Variants in TIMM50 observed in about 807,000 individuals in gnomAD.
The protein encoded by TIMM50 is mitochondrial import inner membrane translocase subunit TIM50.
Under a neutral mutation model 49.6 loss-of-function variants are expected in TIMM50, and 34 were observed. The observed-to-expected ratio is 0.69, with a 90% CI of 0.52 to 0.91. The LOEUF (loss-of-function observed/expected upper bound fraction) is 0.91. TIMM50 is among the 40% of genes least tolerant of loss of function. The pLI, the probability that TIMM50 is intolerant of heterozygous loss-of-function variation, is 0.00. For synonymous variants in TIMM50, 199 were observed against 198.4 expected (o/e 1.00, Z -0.03); for missense variants, 458 against 477.8 (o/e 0.96, Z 0.39).
At chr19:39,483,066 C>G in intron 3 of TIMM50, 69 bp from the exon 4 acceptor site, 2 of 1,611,394 alleles carry the variant, frequency 1.2e-6, no homozygotes, top group Non-Finnish European at 1.7e-6. Flanking sequence ...CCTGGAGATT[C>G]CTTTTCTGTA....
chr19:39,485,314 G>A, intron 4 of TIMM50: 1 of 586,398 alleles, frequency 1.7e-6, no homozygotes, highest in South Asian at 2.0e-5. Flanking sequence ...TTTCATACCT[G>A]GGGTAGTATG....
chr19:39,488,500 T>C (rs781222268), intron 9 of TIMM50, 39 bp from the exon 10 acceptor site: 2 of 1,592,642 alleles, frequency 1.3e-6, no homozygotes, highest in South Asian at 2.2e-5. Context: ...CCCTCTGGCC[T>C]TTAGAAGCCT....
chr19:39,483,183 G>A, intron 4 of TIMM50, 27 bp downstream of exon 4: 1 of 1,614,016 alleles, frequency 6.2e-7, no homozygotes. Flanking sequence ...AGATTCTGGA[G>A]TCCCTGACCC....
rs2079551602 is a variant in TIMM50, at chr19:39,492,379, A to G, written c.*2559A>G. 1.3e-5 allele frequency: 2 copies of G among 151,788 alleles called. No homozygotes were observed. Among genetic ancestry groups the G allele is most frequent in the Non-Finnish European group, 1.5e-5 (1 of 67,988 alleles). 9.4% of individuals were successfully genotyped at this position (151,788 alleles called of 1,614,324 possible). A position where few individuals can be genotyped will look rare whatever the true frequency, so the allele number is the denominator to read the frequency against. ...TTTGGGGACCAAATGAAGCACTCCC[A>G]TGTAGGCACTCAAATGGAACTATGT... On this transcript the variant is annotated 3_prime_UTR_variant, in exon 11 of 11. Coordinates refer to ENST00000607714, the MANE Select transcript of TIMM50 (RefSeq NM_001001563.5).
At chr19:39,489,364 G>A (rs1409987021) in intron 10 of TIMM50, among the ~76,000 whole-genome samples, 4 of 152,090 alleles carry the variant, frequency 2.6e-5, no homozygotes, top group Non-Finnish European at 4.4e-5. Context: ...CTCAGGGGAG[G>A]GGTCCCTGGG....
At position 39,486,507 on chromosome 19, in the gene TIMM50, T is replaced by A; in HGVS notation, c.696+12T>A. ...GACACCATGTAAAGGTGCCGTGGGT[T>A]CATGGGTGGGCCTCTGGGATTTGGC... On this transcript the variant is annotated intron_variant, in intron 8 of 10. Transcript: ENST00000607714. 3.1e-6 allele frequency: 5 copies of A among 1,613,322 alleles called. No individual in the cohort carries two copies. Among genetic ancestry groups the A allele is most frequent in the Middle Eastern group, 1.7e-4 (1 of 6,058 alleles).
intron 7 of TIMM50, 28 bp downstream of exon 7, chr19:39,486,319 A>G (rs1260813219): frequency 3.1e-6 from 5 of 1,613,576 alleles, no homozygotes; most frequent in African/African-American, 2.7e-5. Flanking sequence ...GGGAGGGAAT[A>G]TTGGTGTGGT....
Position 39,493,330 on chromosome 19 carries a change from C to T in TIMM50, c.*3510C>T, listed in dbSNP as rs924863578. ...AGTGGGGCGATCTCGGCTCACTGCA[C>T]CCTGCACCTCCTGGGTTCAAGTGAT... is the stretch of plus-strand genomic sequence containing the variant. On this transcript the variant is annotated 3_prime_UTR_variant, in exon 11 of 11. Coordinates refer to ENST00000607714, the MANE Select transcript of TIMM50 (RefSeq NM_001001563.5). 1.3e-5 allele frequency: 2 copies of T among 151,730 alleles called. No homozygotes were observed. The highest frequency in any genetic ancestry group is 4.8e-5 in the African/African-American group (2 of 41,260). 9.4% of individuals were successfully genotyped at this position (151,730 alleles called of 1,614,324 possible).
At chr19:39,481,771 C>T (rs1313643718) in intron 1 of TIMM50, 112 bp from the exon 2 acceptor site, 2 of 1,355,670 alleles carry the variant, frequency 1.5e-6, no homozygotes, top group African/African-American at 1.4e-5. Context: ...ATGTCCAGGG[C>T]TCTGTGGGTG....
At chr19:39,489,430 C>G (rs1178994072) in intron 10 of TIMM50, among the ~76,000 whole-genome samples, 1 of 152,126 alleles carries the variant, frequency 6.6e-6, no homozygotes, top group Non-Finnish European at 1.5e-5. Context: ...GCAGTTCAGG[C>G]CTGAATACCT....
chr19:39,481,767 AG>A lies in TIMM50; in HGVS notation c.109-113del, dbSNP rs775126183. The A allele has an allele frequency of 2.9e-5, 38 of 1,327,998 alleles. No homozygotes were observed. The East Asian group carries it at 7.2e-4, about 25-fold the overall frequency. The allele number at this position is 1,327,998 out of a possible 1,614,324, so 82.3% of individuals were successfully genotyped here. Reference sequence around the variant, plus strand: ...TGCTACTCCAGGGACACAGATGTCCAGGGCTCTGTGGGTGTCTGCCTCTTGG... The same window carrying A: ...TGCTACTCCAGGGACACAGATGTCCAGGCTCTGTGGGTGTCTGCCTCTTGG... On this transcript the variant is annotated intron_variant, in intron 1 of 10. Transcript: ENST00000607714.
chr19:39,483,485 C>T (rs941953845), intron 4 of TIMM50: 12 of 335,110 alleles, frequency 3.6e-5, no homozygotes, highest in African/African-American at 2.1e-4. Context: ...CTTCCCCATC[C>T]CCCTCGAGCC....
rs370038568 is a variant in TIMM50 at position 39,482,039 on chromosome 19, G to A, written c.259+6G>A. On this transcript the variant is annotated splice_donor_region_variant and intron_variant, in intron 2 of 10. Transcript: ENST00000607714. ...GAGCGTCGTCTATATCTTTGGTGAG[G>A]GACATATCCCTGTCCCCCAGTTTTG... is the stretch of plus-strand genomic sequence containing the variant. 1.9e-5 allele frequency: 31 copies of A among 1,612,420 alleles called. No homozygotes were observed. The highest frequency in any genetic ancestry group is 1.7e-4 in the Middle Eastern group (1 of 6,056).
In TIMM50 at chr19:39,488,634, C is replaced by T. The variant is rs778663428; in HGVS notation, c.949C>T (p.Arg317Trp). The T allele has an allele frequency of 9.9e-6, 16 of 1,613,550 alleles. No individual in the cohort carries two copies. Among genetic ancestry groups the T allele is most frequent in the Non-Finnish European group, 1.2e-5 (14 of 1,179,960 alleles). ...PLAAFKQRQS[R>W]LEQEEQQRLA... Reference sequence around the variant, plus strand: ...GGCGGCTTTCAAACAGCGGCAAAGCCGGCTAGAGCAGGTTGGTGCTCAGAT... The same window carrying T: ...GGCGGCTTTCAAACAGCGGCAAAGCTGGCTAGAGCAGGTTGGTGCTCAGAT... The change falls in exon 10 of 11, where the codon CGG (arginine) becomes TGG (tryptophan). Residue 317 changes from arginine (R) to tryptophan (W), a missense_variant. By Grantham distance (101) the Arg-to-Trp change is moderately radical. Transcript: ENST00000607714.
intron 2 of TIMM50, among the ~76,000 whole-genome samples, chr19:39,482,501 C>CA (rs35098450): frequency 8.3e-4 from 126 of 151,164 alleles, no homozygotes; most frequent in Non-Finnish European, 1.4e-3. Flanking sequence ...ACTAAAAATA[C>CA]AAAAAAAAAT....
chr19:39,482,791 A>G, intron 2 of TIMM50, 94 bp from the exon 3 acceptor site: 1 of 1,548,194 alleles, frequency 6.5e-7, no homozygotes, highest in African/African-American at 1.4e-5. Context: ...CTCTTTCCTC[A>G]GATCCAGGAG....
At chr19:39,482,054 C>T (rs1477413002) in intron 2 of TIMM50, 21 bp downstream of exon 2, 19 of 1,606,850 alleles carry the variant, frequency 1.2e-5, no homozygotes, top group Non-Finnish European at 1.6e-5. Flanking sequence ...TATCCCTGTC[C>T]CCCAGTTTTG....
rs1163736850 is a variant in TIMM50, at chr19:39,490,049, G to C, written c.*229G>C. On this transcript the variant is annotated 3_prime_UTR_variant, in exon 11 of 11. Transcript: ENST00000607714. ...GGGGGTGCTTTGTTGGATCAGAGCA[G>C]ATTTTTCACCCTGGTCTCGGAATCT... 1 of 550,432 alleles carries C rather than the reference G, an allele frequency of 1.8e-6. No homozygotes were observed. Among genetic ancestry groups the C allele is most frequent in the Non-Finnish European group, 3.3e-6 (1 of 307,664 alleles). The allele number at this position is 550,432 out of a possible 1,614,324, so 34.1% of individuals were successfully genotyped here. A position where few individuals can be genotyped will look rare whatever the true frequency, so the allele number is the denominator to read the frequency against.
rs149168607 is a variant in TIMM50, at chr19:39,483,339, C to T, written c.313+183C>T. The stretch of plus-strand genomic sequence containing the variant: ...AAAGCCCAAGCCCACTTCCCTGGCC[C>T]CTCAGCCCCGAGCAGATGGTCAGAG... On this transcript the variant is annotated intron_variant, in intron 4 of 10. Coordinates refer to ENST00000607714, the MANE Select transcript of TIMM50 (RefSeq NM_001001563.5). The T allele has an allele frequency of 7.6e-4, 548 of 719,932 alleles. 5 individuals carry two copies. In the African/African-American group the frequency reaches 8.8e-3, roughly 12 times the overall value. 44.6% of individuals were successfully genotyped at this position (719,932 alleles called of 1,614,324 possible).
Sources: allele counts gnomAD v4.1 joint callset (sites outside exome capture counted in the v4.1 genomes callset), GRCh38; gene constraint gnomAD v4.1.1; transcripts MANE v1.5; gene names NCBI Gene and HGNC (gene_info 2026-07-23, HGNC 2026-07-21).